The following TYW1 variants were observed in gnomAD, a reference collection of about 807,000 sequenced individuals.
TYW1 encodes the protein S-adenosyl-L-methionine-dependent tRNA 4-demethylwyosine synthase TYW1.
A neutral mutation model predicts 96.2 loss-of-function variants in TYW1; 46 were observed. That is an observed-to-expected ratio of 0.48 (90% CI 0.38 to 0.61). The LOEUF is 0.61. TYW1 is among the 20% of genes least tolerant of loss of function. The pLI, the probability that TYW1 is intolerant of heterozygous loss-of-function variation, is 0.00. For missense variants in TYW1, 684 were observed against 909.6 expected, an observed-to-expected ratio of 0.75 and a Z score of 3.19; for synonymous variants, 274 against 323.0, an observed-to-expected ratio of 0.85 and a Z score of 1.63.
intron 14 of TYW1, among the ~76,000 whole-genome samples, chr7:67,193,772 A>G (rs1046818993): frequency 2.6e-5 from 4 of 151,684 alleles, no homozygotes; most frequent in African/African-American, 9.7e-5. Flanking sequence ...AAAAAAAAAA[A>G]AAAAATTCAG....
At chr7:67,006,893 G>A (rs1016631666) in intron 3 of TYW1, among the ~76,000 whole-genome samples, 11 of 147,682 alleles carry the variant, frequency 7.4e-5, no homozygotes, top group African/African-American at 2.7e-4. Context: ...CACCCATGGA[G>A]GAATAGGTAC....
intron 7 of TYW1, among the ~76,000 whole-genome samples, chr7:67,047,589 A>G (rs1281187407): frequency 6.6e-6 from 1 of 151,190 alleles, no homozygotes; most frequent in Non-Finnish European, 1.5e-5. Flanking sequence ...CATTTTGATT[A>G]TATTTAGTAA....
At chr7:67,172,139 C>G (rs1200094565) in intron 13 of TYW1, among the ~76,000 whole-genome samples, 1 of 151,660 alleles carries the variant, frequency 6.6e-6, no homozygotes, top group African/African-American at 2.4e-5. Context: ...CTGTCTTTTT[C>G]TCTATTTTTT....
chr7:67,058,859 A>G (rs1039022862), intron 9 of TYW1, among the ~76,000 whole-genome samples: 2 of 152,038 alleles, frequency 1.3e-5, no homozygotes, highest in Non-Finnish European at 2.9e-5. Flanking sequence ...AAAGGTTAAG[A>G]TTTATCCCAC....
At chr7:67,220,705 G>A (rs1158378501) in intron 15 of TYW1, among the ~76,000 whole-genome samples, 4 of 151,594 alleles carry the variant, frequency 2.6e-5, no homozygotes, top group Middle Eastern at 3.4e-3. Context: ...TTGGCTTATC[G>A]TGCCCTTCAA....
chr7:67,207,099 G>A (rs139439468), intron 15 of TYW1, among the ~76,000 whole-genome samples: 4 of 152,138 alleles, frequency 2.6e-5, no homozygotes, highest in African/African-American at 9.6e-5. Context: ...CTTTAAAATT[G>A]TAAAACAAAC....
At chr7:67,083,575 C>T (rs1418247752) in intron 11 of TYW1, 36 bp downstream of exon 11, 2 of 1,604,720 alleles carry the variant, frequency 1.2e-6, no homozygotes, top group Admixed American at 1.7e-5. Context: ...ATGCTAATAC[C>T]TGTTAATAGT....
intron 3 of TYW1, among the ~76,000 whole-genome samples, chr7:66,999,377 C>T (rs1447619358): frequency 6.6e-6 from 1 of 152,100 alleles, no homozygotes; most frequent in East Asian, 1.9e-4. Context: ...TTTTTTGAGA[C>T]AGAGTCTCAC....
chr7:67,205,621 C>A (rs1800767481), intron 15 of TYW1, among the ~76,000 whole-genome samples: 1 of 151,694 alleles, frequency 6.6e-6, no homozygotes, highest in African/African-American at 2.4e-5. Flanking sequence ...AGAAGAGTGC[C>A]TCATTATAAC....
At chr7:67,028,078 A>G (rs1444331326) in intron 7 of TYW1, among the ~76,000 whole-genome samples, 5 of 147,084 alleles carry the variant, frequency 3.4e-5, no homozygotes, top group Non-Finnish European at 7.5e-5. Flanking sequence ...CTACTAAAAA[A>G]TACAAAAAAA....
In TYW1 at chr7:67,174,611, A is replaced by T. The variant is rs2421417; in HGVS notation, c.1699-8515A>T. 1.7e-3 allele frequency among the ~76,000 whole-genome samples: 212 copies of T among 124,938 alleles called. 4 individuals carry two copies. The highest frequency in any genetic ancestry group is 0.017 in the Admixed American group (176 of 10,592). 82.0% of individuals were successfully genotyped at this position (124,938 alleles called of 152,430 possible). Reference sequence around the variant, plus strand: ...GGTACCCACAATGTTTTTTTTTTTAAAAAAAAGAACAGAGCAGTAAATTAA... The same window carrying T: ...GGTACCCACAATGTTTTTTTTTTTATAAAAAAGAACAGAGCAGTAAATTAA... On this transcript the variant is annotated intron_variant, in intron 13 of 15. Transcript: ENST00000359626.
At chr7:67,134,775 A>G (rs1798190870) in intron 13 of TYW1, among the ~76,000 whole-genome samples, 1 of 129,364 alleles carries the variant, frequency 7.7e-6, no homozygotes, top group Non-Finnish European at 1.6e-5. Context: ...TTCCATGCCC[A>G]TGTGTTTTTT....
chr7:67,166,368 T>C (rs1425604301), intron 13 of TYW1, among the ~76,000 whole-genome samples: 2 of 144,650 alleles, frequency 1.4e-5, no homozygotes, highest in African/African-American at 2.5e-5. Flanking sequence ...AATACATATA[T>C]ACATGATTTT....
chr7:67,197,420 G>A lies in TYW1; in HGVS notation c.1977+2083G>A, dbSNP rs556592729. ...GGCTCACTGCAACCTCTGCCTCCTC[G>A]CTTCAAGCGATTCTCCTGCCTTAGC... On this transcript the variant is annotated intron_variant, in intron 15 of 15. Transcript: ENST00000359626. 1.1e-4 allele frequency among the ~76,000 whole-genome samples: 16 copies of A among 151,274 alleles called. No individual in the cohort carries two copies. In the East Asian group the frequency reaches 2.0e-3, roughly 19 times the overall value.
chr7:67,157,668 C>G (rs1799027301), intron 13 of TYW1, among the ~76,000 whole-genome samples: 1 of 152,098 alleles, frequency 6.6e-6, no homozygotes, highest in Admixed American at 6.6e-5. Flanking sequence ...TTTTATATTC[C>G]AGGATCCCAT....
At chr7:67,113,667 CTTGCT>C (rs1202837788) in intron 12 of TYW1, among the ~76,000 whole-genome samples, 5 of 144,050 alleles carry the variant, frequency 3.5e-5, no homozygotes, top group African/African-American at 1.3e-4. Flanking sequence ...GATGTGGAGT[CTTGCT>C]CTGTTGCCCA....
At position 67,195,278 on chromosome 7, in the gene TYW1, G is replaced by A. The variant is rs377725137; in HGVS notation, c.1918G>A (p.Glu640Lys). The stretch of plus-strand genomic sequence containing the variant: ...CCACGAGTTGGTGGATCTGATCCCC[G>A]AATATGAAATTGCATGTGAACACGA... ...FVHELVDLIP[E>K]YEIACEHEHS... The change falls in exon 15 of 16, where the codon GAA (glutamate) becomes AAA (lysine). Residue 640 changes from glutamate to lysine, a missense_variant. By Grantham distance (56) the Glu-to-Lys change is moderately conservative. Coordinates refer to ENST00000359626, the MANE Select transcript of TYW1 (RefSeq NM_018264.4). The A allele has an allele frequency of 2.3e-5, 37 of 1,610,998 alleles. No individual in the cohort carries two copies. Among genetic ancestry groups the A allele is most frequent in the East Asian group, 1.3e-4 (6 of 44,862 alleles).
chr7:67,214,414 G>A (rs1006453231), intron 15 of TYW1, among the ~76,000 whole-genome samples: 2 of 151,902 alleles, frequency 1.3e-5, no homozygotes, highest in African/African-American at 4.8e-5. Flanking sequence ...GATTCTTTGG[G>A]ATCTTCTACA....
chr7:67,159,953 A>G (rs1490138031), intron 13 of TYW1, among the ~76,000 whole-genome samples: 2 of 147,142 alleles, frequency 1.4e-5, no homozygotes, highest in Admixed American at 1.4e-4. Context: ...GGCGCCCGCC[A>G]CCACGCCCGG....
Sources: allele counts gnomAD v4.1 joint callset (sites outside exome capture counted in the v4.1 genomes callset), GRCh38; gene constraint gnomAD v4.1.1; transcripts MANE v1.5; gene names NCBI Gene and HGNC (gene_info 2026-07-23, HGNC 2026-07-21).